The following ANAPC10 variants were observed in gnomAD, a reference collection of about 807,000 sequenced individuals.
ANAPC10 encodes the protein anaphase-promoting complex subunit 10.
Under a neutral mutation model 22.0 loss-of-function variants are expected in ANAPC10, and 12 were observed. The ratio of observed to expected loss-of-function variants is 0.55; its 90% CI spans 0.35 to 0.88. ANAPC10 has a LOEUF of 0.88. ANAPC10 is among the 40% of genes least tolerant of loss of function. The probability of loss-of-function intolerance (pLI) is 0.01; values close to 1 mark genes in which losing one functional copy is unlikely to be tolerated. For missense variants in ANAPC10, 188 were observed against 220.9 expected, an observed-to-expected ratio of 0.85 and a Z score of 0.94; for synonymous variants, 65 against 69.5, an observed-to-expected ratio of 0.94 and a Z score of 0.32.
chr4:145,058,994 C>G (rs1742481469), intron 4 of ANAPC10, among the ~76,000 whole-genome samples: 1 of 152,036 alleles, frequency 6.6e-6, no homozygotes, highest in Non-Finnish European at 1.5e-5. Flanking sequence ...TTAAAAAAAT[C>G]TTTTAAACTA....
At chr4:145,006,661 T>C (rs766876937) in intron 4 of ANAPC10, among the ~76,000 whole-genome samples, 10 of 152,156 alleles carry the variant, frequency 6.6e-5, no homozygotes, top group Non-Finnish European at 1.5e-4. Flanking sequence ...GTATAATTGT[T>C]ATACTTTCCT....
chr4:145,096,261 A>C (rs1748501686), intron 1 of ANAPC10, 150 bp from the exon 2 acceptor site: 2 of 890,294 alleles, frequency 2.2e-6, no homozygotes, highest in South Asian at 3.6e-5. Flanking sequence ...AAATCACTGT[A>C]ATTTAAATCT....
At chr4:145,070,244 T>C (rs547689709) in intron 3 of ANAPC10, among the ~76,000 whole-genome samples, 1 of 152,192 alleles carries the variant, frequency 6.6e-6, no homozygotes, top group African/African-American at 2.4e-5. Context: ...CATATACACA[T>C]TGTCTATGGG....
At position 145,050,642 on chromosome 4, in the gene ANAPC10, G is replaced by A. The variant is rs140032133; in HGVS notation, c.327+13930C>T. On this transcript the variant is annotated intron_variant, in intron 4 of 4. Coordinates refer to ENST00000507656, the MANE Select transcript of ANAPC10 (RefSeq NM_001256706.2). ...CAACTATTTTAGCCAGATCTTCTGG[G>A]TAACTTCCTACAGCTCCTCCATCAG... 5.9e-5 allele frequency among the ~76,000 whole-genome samples: 9 copies of A among 152,322 alleles called. No homozygotes were observed. The East Asian group carries it at 1.5e-3, about 26-fold the overall frequency.
At chr4:145,019,509 T>C (rs1170377332) in intron 4 of ANAPC10, among the ~76,000 whole-genome samples, 1 of 151,864 alleles carries the variant, frequency 6.6e-6, no homozygotes, top group Non-Finnish European at 1.5e-5. Flanking sequence ...GAGCACAAAC[T>C]GACACTCAAA....
intron 4 of ANAPC10, among the ~76,000 whole-genome samples, chr4:145,051,660 A>G (rs1350440100): frequency 1.3e-5 from 2 of 152,154 alleles, no homozygotes; most frequent in African/African-American, 4.8e-5. Context: ...CATGAATCTC[A>G]AAGAATTCAT....
In ANAPC10 at chr4:145,056,568, G is replaced by C. The variant is rs554954844; in HGVS notation, c.327+8004C>G. Among the ~76,000 whole-genome samples the C allele has an allele frequency of 9.5e-4, 145 of 152,208 alleles. No individual in the cohort carries two copies. In the Middle Eastern group the frequency reaches 0.014, roughly 14 times the overall value. ...AACCCCCTCTTGGGGTCTGGATTGG[G>C]ACCCCTTTCCTTGTAACATCTTTCT... On this transcript the variant is annotated intron_variant, in intron 4 of 4. Coordinates refer to ENST00000507656, the MANE Select transcript of ANAPC10 (RefSeq NM_001256706.2).
intron 4 of ANAPC10, among the ~76,000 whole-genome samples, chr4:145,007,820 T>G (rs1159452814): frequency 1.4e-5 from 2 of 145,090 alleles, no homozygotes; most frequent in African/African-American, 5.1e-5. Context: ...AAGAAATAAC[T>G]AAGATCAGAG....
chr4:145,057,958 T>G (rs1206162925), intron 4 of ANAPC10, among the ~76,000 whole-genome samples: 2 of 152,314 alleles, frequency 1.3e-5, no homozygotes, highest in East Asian at 3.9e-4. Context: ...TTTACCTGGC[T>G]AATATTATAT....
intron 4 of ANAPC10, among the ~76,000 whole-genome samples, chr4:145,054,604 AGTGTGTGTGTGT>A (rs70956823): frequency 0.029 from 3,690 of 128,288 alleles, 195 homozygotes; most frequent in African/African-American, 0.097. Flanking sequence ...CATACTGAAT[AGTGTGTGTGTGT>A]GTGTGTGTGT....
intron 3 of ANAPC10, among the ~76,000 whole-genome samples, chr4:145,067,802 C>A (rs1322359871): frequency 6.6e-6 from 1 of 152,170 alleles, no homozygotes; most frequent in Non-Finnish European, 1.5e-5. Context: ...CCTTTATCCC[C>A]TCTTTCTTCA....
chr4:144,998,906 T>C (rs1165903024), intron 4 of ANAPC10, among the ~76,000 whole-genome samples: 1 of 151,240 alleles, frequency 6.6e-6, no homozygotes, highest in Non-Finnish European at 1.5e-5. Context: ...AAGAAGCAAA[T>C]AGACACAATA....
chr4:145,038,730 G>A (rs960665426), intron 4 of ANAPC10, among the ~76,000 whole-genome samples: 9 of 150,280 alleles, frequency 6.0e-5, no homozygotes, highest in African/African-American at 2.2e-4. Context: ...GCTGAGGCAG[G>A]AGAATCGCTT....
chr4:145,043,840 C>CT (rs201733381), intron 4 of ANAPC10, among the ~76,000 whole-genome samples: 49 of 151,762 alleles, frequency 3.2e-4, no homozygotes, highest in African/African-American at 1.0e-3. Context: ...AGATAAAATT[C>CT]TTTTTTTTCC....
At chr4:145,044,240 C>T (rs2127156128) in intron 4 of ANAPC10, among the ~76,000 whole-genome samples, 1 of 152,028 alleles carries the variant, frequency 6.6e-6, no homozygotes, top group Admixed American at 6.6e-5. Flanking sequence ...ATGTGTTTGA[C>T]AAAAATACGT....
intron 4 of ANAPC10, among the ~76,000 whole-genome samples, chr4:145,061,178 G>A (rs184138184): frequency 1.1e-4 from 16 of 152,192 alleles, no homozygotes; most frequent in African/African-American, 3.8e-4. Flanking sequence ...AAAAAATTAA[G>A]AGACTACCTA....
At chr4:145,049,655 C>A (rs997420130) in intron 4 of ANAPC10, among the ~76,000 whole-genome samples, 1 of 152,118 alleles carries the variant, frequency 6.6e-6, no homozygotes, top group Non-Finnish European at 1.5e-5. Context: ...TCATGGCTCA[C>A]TGGAACCGCC....
chr4:145,084,580 TA>T (rs57351496), intron 2 of ANAPC10, among the ~76,000 whole-genome samples: 2,820 of 144,784 alleles, frequency 0.019, 81 homozygotes, highest in African/African-American at 0.06. Flanking sequence ...GTTGATGAGC[TA>T]AAAAAAAAAA....
At chr4:145,053,534 G>A in intron 4 of ANAPC10, 1 of 403,384 alleles carries the variant, frequency 2.5e-6, no homozygotes, top group Non-Finnish European at 4.4e-6. Context: ...TTCTAAAAAA[G>A]TGGTGAGATG....
Sources: allele counts gnomAD v4.1 joint callset (sites outside exome capture counted in the v4.1 genomes callset), GRCh38; gene constraint gnomAD v4.1.1; transcripts MANE v1.5; gene names NCBI Gene and HGNC (gene_info 2026-07-23, HGNC 2026-07-21).